The following ZFHX3 variants were observed in gnomAD, a reference collection of about 807,000 sequenced individuals.
The protein encoded by ZFHX3 is zinc finger homeobox protein 3.
Under a neutral mutation model 279.1 loss-of-function variants are expected in ZFHX3, and 42 were observed. The ratio of observed to expected loss-of-function variants is 0.15; its 90% CI spans 0.12 to 0.19. The LOEUF (loss-of-function observed/expected upper bound fraction) is 0.19. Among genes scored for constraint, ZFHX3 ranks in the 10% least tolerant of loss-of-function variants. The pLI, the probability that ZFHX3 is intolerant of heterozygous loss-of-function variation, is 1.00. For synonymous variants in ZFHX3, 2,293 were observed against 1,957.8 expected (o/e 1.17, Z -4.52); for missense variants, 4,981 against 4,754.0 (o/e 1.05, Z -1.40).
intron 1 of ZFHX3, among the ~76,000 whole-genome samples, chr16:73,680,600 A>G (rs901959501): frequency 1.3e-5 from 2 of 152,196 alleles, no homozygotes; most frequent in Non-Finnish European, 2.9e-5. Flanking sequence ...AAATGACTGA[A>G]AGGAATTTGG....
chr16:73,587,463 A>C (rs2051939317), intron 2 of ZFHX3, among the ~76,000 whole-genome samples: 1 of 152,226 alleles, frequency 6.6e-6, no homozygotes, highest in Non-Finnish European at 1.5e-5. Context: ...AAATGCTTTT[A>C]GTTGACTGCA....
At chr16:73,534,484 T>G (rs2019859984) in intron 2 of ZFHX3, among the ~76,000 whole-genome samples, 1 of 152,320 alleles carries the variant, frequency 6.6e-6, no homozygotes, top group African/African-American at 2.4e-5. Context: ...TGTGTAACTT[T>G]ATGGTGTTTA....
intron 1 of ZFHX3, among the ~76,000 whole-genome samples, chr16:73,713,686 A>G (rs1322701445): frequency 4.6e-5 from 7 of 151,974 alleles, no homozygotes; most frequent in Admixed American, 4.6e-4. Flanking sequence ...TCTTTTCAGA[A>G]GGGCTTGTTA....
intron 1 of ZFHX3, among the ~76,000 whole-genome samples, chr16:73,703,231 G>T (rs569770119): frequency 5.6e-4 from 85 of 152,014 alleles, no homozygotes; most frequent in Admixed American, 1.6e-3. Flanking sequence ...AATTGGAAGG[G>T]TGCCTCCCCC....
chr16:72,921,334 C>T (rs1344263816), intron 3 of ZFHX3, among the ~76,000 whole-genome samples: 1 of 152,206 alleles, frequency 6.6e-6, no homozygotes, highest in Admixed American at 6.5e-5. Flanking sequence ...TGGTTACTTC[C>T]TTCCTAGACC....
chr16:73,762,719 C>A (rs375517273), intron 1 of ZFHX3, among the ~76,000 whole-genome samples: 3 of 152,114 alleles, frequency 2.0e-5, no homozygotes, highest in Admixed American at 6.6e-5. Context: ...AGCAAACTAA[C>A]ATGGGAACAG....
At chr16:73,836,906 C>T (rs1378685783) in intron 1 of ZFHX3, among the ~76,000 whole-genome samples, 4 of 152,246 alleles carry the variant, frequency 2.6e-5, no homozygotes, top group Admixed American at 6.5e-5. Flanking sequence ...TGCCTCTCAT[C>T]TTCTGCCTCC....
intron 3 of ZFHX3, among the ~76,000 whole-genome samples, chr16:73,436,729 T>A (rs2018006077): frequency 6.6e-6 from 1 of 151,936 alleles, no homozygotes; most frequent in Non-Finnish European, 1.5e-5. Flanking sequence ...TCTTTGTGAC[T>A]TTGATGCAAG....
At chr16:73,549,148 G>A (rs565032374) in intron 2 of ZFHX3, among the ~76,000 whole-genome samples, 2 of 152,174 alleles carry the variant, frequency 1.3e-5, no homozygotes, top group Non-Finnish European at 2.9e-5. Context: ...CACCTCTTAG[G>A]TGAGGATCGT....
intron 7 of ZFHX3, among the ~76,000 whole-genome samples, chr16:73,117,135 T>G (rs1246911015): frequency 1.3e-5 from 2 of 152,212 alleles, no homozygotes; most frequent in African/African-American, 4.8e-5. Context: ...GACTATAAAC[T>G]CAATTTGATG....
chr16:73,226,076 T>G (rs1404947485), intron 5 of ZFHX3, among the ~76,000 whole-genome samples: 2 of 152,182 alleles, frequency 1.3e-5, no homozygotes, highest in Non-Finnish European at 2.9e-5. Flanking sequence ...AAATATAAAC[T>G]GGGGACATAG....
intron 4 of ZFHX3, among the ~76,000 whole-genome samples, chr16:73,312,719 C>T (rs1349361452): frequency 1.3e-5 from 2 of 152,150 alleles, no homozygotes; most frequent in African/African-American, 2.4e-5. Flanking sequence ...ACATTTGCCT[C>T]GTTTTCCAGA....
At chr16:73,264,571 G>A (rs970700823) in intron 4 of ZFHX3, among the ~76,000 whole-genome samples, 1 of 151,478 alleles carries the variant, frequency 6.6e-6, no homozygotes, top group African/African-American at 2.4e-5. Context: ...AGGAACAACC[G>A]ACTTTTTTTT....
chr16:73,792,003 A>G (rs1359512311), intron 1 of ZFHX3, among the ~76,000 whole-genome samples: 1 of 152,194 alleles, frequency 6.6e-6, no homozygotes, highest in African/African-American at 2.4e-5. Context: ...CTGGTGATAA[A>G]TCAATGGCAG....
chr16:73,528,883 A>T (rs147850222), intron 2 of ZFHX3, among the ~76,000 whole-genome samples: 89 of 152,316 alleles, frequency 5.8e-4, no homozygotes, highest in Non-Finnish European at 1.2e-3. Context: ...TACATTACAG[A>T]ACATCAACCT....
chr16:72,825,092 T>C (rs1451151051), intron 5 of ZFHX3, among the ~76,000 whole-genome samples: 1 of 152,210 alleles, frequency 6.6e-6, no homozygotes, highest in Non-Finnish European at 1.5e-5. Flanking sequence ...GGATATCCCC[T>C]GTCCATGTTT....
chr16:72,941,980 A>C (rs985715951), intron 3 of ZFHX3, among the ~76,000 whole-genome samples: 5 of 152,214 alleles, frequency 3.3e-5, no homozygotes, highest in African/African-American at 1.2e-4. Context: ...TAGTATTTAC[A>C]GTTTCAACTG....
intron 1 of ZFHX3, among the ~76,000 whole-genome samples, chr16:73,778,367 T>C (rs533696520): frequency 4.2e-4 from 64 of 152,010 alleles, no homozygotes; most frequent in Non-Finnish European, 5.6e-4. Context: ...AGTTAGAAAA[T>C]TGCTCTGTGA....
chr16:72,907,545 T>TTGTG (rs547618913), intron 3 of ZFHX3, among the ~76,000 whole-genome samples: 5,040 of 120,242 alleles, frequency 0.042, 146 homozygotes, highest in African/African-American at 0.058. Context: ...TTTCCTCTAT[T>TTGTG]TGTGTGTGTG....
Sources: allele counts gnomAD v4.1 joint callset (sites outside exome capture counted in the v4.1 genomes callset), GRCh38; gene constraint gnomAD v4.1.1; transcripts MANE v1.5; gene names NCBI Gene and HGNC (gene_info 2026-07-23, HGNC 2026-07-21).